MALT1: variants seen among roughly 807,000 people sequenced by gnomAD.
MALT1 encodes the protein mucosa-associated lymphoid tissue lymphoma translocation protein 1.
MALT1 carries 36 observed loss-of-function variants against 85.5 expected under a neutral mutation model. The ratio of observed to expected loss-of-function variants is 0.42; its 90% confidence interval spans 0.32 to 0.56. The LOEUF (loss-of-function observed/expected upper bound fraction) is 0.56. MALT1 is among the 20% of genes least tolerant of loss of function. The pLI, the probability that MALT1 is intolerant of heterozygous loss-of-function variation, is 0.10. For synonymous variants in MALT1, 359 were observed against 361.3 expected, an observed-to-expected ratio of 0.99 and a Z score of 0.07; for missense variants, 716 against 981.6, an observed-to-expected ratio of 0.73 and a Z score of 3.62.
Position 58,681,331 on chromosome 18 carries a change from C to G in MALT1, c.371C>G (p.Pro124Arg). 6.2e-7 allele frequency: 1 copy of G among 1,612,516 alleles called. No homozygotes were observed. Among genetic ancestry groups the G allele is most frequent in the East Asian group, 2.2e-5 (1 of 44,802 alleles). The change falls in exon 2 of 17, where the codon CCC (proline) becomes CGC (arginine). Residue 124 changes from proline (P) to arginine (R), a missense_variant. Pro to Arg is a moderately radical substitution (Grantham distance 103). Around this residue, in one of 4 missense-constraint regions of MALT1, gnomAD observed 290 missense variants for 380.5 expected, o/e 0.76. Coordinates refer to ENST00000649217, the MANE Select transcript of MALT1 (RefSeq NM_006785.4). ...EHTEVLQLLS[P>R]PGIKITVNPE... ...ACTGAAGTTCTTCAGCTTCTCAGCC[C>G]CCCAGGTAGGTTTTGTTCTTAGGAT...
At chr18:58,696,302 AT>A in intron 2 of MALT1, 63 bp from the exon 3 acceptor site, 2 of 1,262,256 alleles carry the variant, frequency 1.6e-6, no homozygotes, top group Non-Finnish European at 2.0e-6. Context: ...TTGGTTTCAG[AT>A]GTATAAACAA....
chr18:58,691,592 C>T (rs1280692093), intron 2 of MALT1: 2 of 169,546 alleles, frequency 1.2e-5, no homozygotes, highest in Non-Finnish European at 2.5e-5. Context: ...AAGGTGGGAC[C>T]GGGCCCAGTG....
At position 58,674,518 on chromosome 18, in the gene MALT1, C is replaced by T. The variant is rs1012638767; in HGVS notation, c.209+2666C>T. ...TGAGAAGGGTTGGAGAATTTGGGAACGTTAAGCTCATCCCTATGGAGATCA... is the reference window on the plus strand; with the variant it reads ...TGAGAAGGGTTGGAGAATTTGGGAATGTTAAGCTCATCCCTATGGAGATCA... On this transcript the variant is annotated intron_variant, in intron 1 of 16. Coordinates refer to ENST00000649217, the MANE Select transcript of MALT1 (RefSeq NM_006785.4). Among the ~76,000 whole-genome samples, 5 of 152,194 alleles carry T rather than the reference C, an allele frequency of 3.3e-5. No individual in the cohort carries two copies. In the South Asian group the frequency reaches 8.3e-4, roughly 25 times the overall value.
At chr18:58,697,950 A>G (rs1157892027) in intron 3 of MALT1, among the ~76,000 whole-genome samples, 2 of 152,162 alleles carry the variant, frequency 1.3e-5, no homozygotes, top group Non-Finnish European at 2.9e-5. Context: ...GTTAAGAGCT[A>G]TGAGGAAAAT....
At chr18:58,712,985 G>A (rs1283978167) in intron 7 of MALT1, among the ~76,000 whole-genome samples, 1 of 152,026 alleles carries the variant, frequency 6.6e-6, no homozygotes, top group Non-Finnish European at 1.5e-5. Context: ...TATAAGAAAA[G>A]AACCTAACTG....
intron 2 of MALT1, among the ~76,000 whole-genome samples, chr18:58,686,696 T>C (rs1259765782): frequency 6.6e-6 from 1 of 152,250 alleles, no homozygotes; most frequent in Non-Finnish European, 1.5e-5. Context: ...TACCTTTTTT[T>C]CTCAGATCCG....
chr18:58,703,819 G>C (rs2054708211), intron 4 of MALT1, among the ~76,000 whole-genome samples: 1 of 152,046 alleles, frequency 6.6e-6, no homozygotes, highest in African/African-American at 2.4e-5. Flanking sequence ...TTTTATTAAG[G>C]GGTAATTTAT....
chr18:58,715,415 A>G (rs1328834921), intron 8 of MALT1, among the ~76,000 whole-genome samples: 1 of 151,916 alleles, frequency 6.6e-6, no homozygotes, highest in Non-Finnish European at 1.5e-5. Flanking sequence ...AGTAGTACAA[A>G]GTTATCTCCC....
At chr18:58,690,888 G>A in intron 2 of MALT1, 1 of 220,936 alleles carries the variant, frequency 4.5e-6, no homozygotes, top group Non-Finnish European at 9.5e-6. Flanking sequence ...TCTCATGCCT[G>A]TCTCTGGCAC....
intron 13 of MALT1, among the ~76,000 whole-genome samples, chr18:58,737,026 T>G (rs1341512314): frequency 6.6e-6 from 1 of 152,204 alleles, no homozygotes; most frequent in East Asian, 1.9e-4. Context: ...TCCCTTTGGA[T>G]CTTCCAGATT....
chr18:58,695,340 A>G (rs2054572307), intron 2 of MALT1, among the ~76,000 whole-genome samples: 1 of 152,178 alleles, frequency 6.6e-6, no homozygotes, highest in African/African-American at 2.4e-5. Context: ...AGTGAGTGAG[A>G]GAGAGGCAAG....
At chr18:58,706,060 A>T (rs547577736) in intron 4 of MALT1, among the ~76,000 whole-genome samples, 1 of 152,228 alleles carries the variant, frequency 6.6e-6, no homozygotes, top group South Asian at 2.1e-4. Context: ...ATCTCGGCTC[A>T]CTGCAAGCTC....
In MALT1 at chr18:58,751,508, A is replaced by AT. The variant is rs1316099428; in HGVS notation, c.*3672dup. The AT allele has an allele frequency of 1.3e-5, 2 of 152,180 alleles. No homozygotes were observed. Among genetic ancestry groups the AT allele is most frequent in the Non-Finnish European group, 2.9e-5 (2 of 68,034 alleles). 9.4% of individuals were successfully genotyped at this position (152,180 alleles called of 1,614,324 possible). ...AGGCTGAAACAGGAGAATCGCATGA[A>AT]TTTTTTAAAAAATCTAAACATGTAA... is the stretch of plus-strand genomic sequence containing the variant. On this transcript the variant is annotated 3_prime_UTR_variant, in exon 17 of 17. Coordinates refer to ENST00000649217, the MANE Select transcript of MALT1 (RefSeq NM_006785.4).
chr18:58,747,096 G>C (rs980184188), intron 16 of MALT1, among the ~76,000 whole-genome samples: 9 of 152,294 alleles, frequency 5.9e-5, no homozygotes, highest in African/African-American at 2.2e-4. Flanking sequence ...TTCCTAAGCT[G>C]CACTGCTTGG....
chr18:58,672,175 G>C (rs78292060), intron 1 of MALT1: 24,705 of 247,864 alleles, frequency 0.1, 2,270 homozygotes, highest in African/African-American at 0.27. Flanking sequence ...AAGGAAAGCT[G>C]TCAGGGGACC....
chr18:58,732,657 C>T lies in MALT1; in HGVS notation c.1223-740C>T, dbSNP rs370624111. ...TAAATACTTACTAAGCTCCTGCTCTCTATGCCAGGAACACACAAATAAATA... is the reference window on the plus strand; with the variant it reads ...TAAATACTTACTAAGCTCCTGCTCTTTATGCCAGGAACACACAAATAAATA... On this transcript the variant is annotated intron_variant, in intron 10 of 16. Coordinates refer to ENST00000649217, the MANE Select transcript of MALT1 (RefSeq NM_006785.4). Among the ~76,000 whole-genome samples, 95 of 150,350 alleles carry T rather than the reference C, an allele frequency of 6.3e-4. 1 individual carries two copies. The South Asian group carries it at 0.019, about 30-fold the overall frequency.
At chr18:58,684,121 C>T (rs893214582) in intron 2 of MALT1, among the ~76,000 whole-genome samples, 7 of 152,028 alleles carry the variant, frequency 4.6e-5, no homozygotes, top group African/African-American at 7.2e-5. Flanking sequence ...TTGGTAGATA[C>T]GGGGTTTTGC....
rs768002178 is a variant in MALT1, at chr18:58,750,002, A to G, written c.*2160A>G. ...GGAATTCAAGGTTTGTTCAACATCTAAAAATCAAATAAGCTAATAAAGAAA... is the reference window on the plus strand; with the variant it reads ...GGAATTCAAGGTTTGTTCAACATCTGAAAATCAAATAAGCTAATAAAGAAA... On this transcript the variant is annotated 3_prime_UTR_variant, in exon 17 of 17. Coordinates refer to ENST00000649217, the MANE Select transcript of MALT1 (RefSeq NM_006785.4). 1 of 201,940 alleles carries G rather than the reference A, an allele frequency of 5.0e-6. No individual in the cohort carries two copies. The highest frequency in any genetic ancestry group is 7.7e-5 in the East Asian group (1 of 12,986). 12.5% of individuals were successfully genotyped at this position (201,940 alleles called of 1,614,324 possible). A position where few individuals can be genotyped will look rare whatever the true frequency, so the allele number is the denominator to read the frequency against.
In MALT1 at chr18:58,710,282, GA is replaced by G. The variant is rs201380970; in HGVS notation, c.925+217del. 7.6e-3 allele frequency among the ~76,000 whole-genome samples: 1,160 copies of G among 152,088 alleles called. 7 individuals carry two copies. Among genetic ancestry groups the G allele is most frequent in the South Asian group, 0.017 (81 of 4,824 alleles). On this transcript the variant is annotated intron_variant, in intron 6 of 16. Transcript: ENST00000649217. ...GTTCACAGAAAGCAAAAAGAATCAG[GA>G]AAAAAAGCCATTTTGTTTAAATTAT...
Sources: gnomAD v4.1 joint callset for allele counts (sites outside exome capture counted in the v4.1 genomes callset) on GRCh38, gnomAD v4.1.1 for gene constraint, gnomAD v4.1.1 regional missense constraint, MANE v1.5 for transcripts, NCBI Gene and HGNC (gene_info 2026-07-23, HGNC 2026-07-21) for gene names.